TMEM161B: variants seen among roughly 807,000 people sequenced by gnomAD.
TMEM161B encodes the protein transmembrane protein 161B.
In TMEM161B, 34 loss-of-function variants were observed where a neutral mutation model predicts 61.8. That is an observed-to-expected ratio of 0.55 (90% confidence interval 0.42 to 0.73). The LOEUF (loss-of-function observed/expected upper bound fraction) is 0.73. Ranked by LOEUF, TMEM161B falls within the 30% of genes least tolerant of loss-of-function variation. The probability of loss-of-function intolerance (pLI) is 0.00; values close to 1 mark genes in which losing one functional copy is unlikely to be tolerated. For missense variants in TMEM161B, 456 were observed against 558.5 expected (o/e 0.82, Z 1.85); for synonymous variants, 167 against 192.8 (o/e 0.87, Z 1.11).
chr5:88,231,475 G>A (rs1262788322), intron 2 of TMEM161B, among the ~76,000 whole-genome samples: 2 of 152,208 alleles, frequency 1.3e-5, no homozygotes, highest in African/African-American at 4.8e-5. Flanking sequence ...GTTACCCTAA[G>A]TGAAAGATTC....
chr5:88,218,483 A>G (rs887022530), intron 5 of TMEM161B, among the ~76,000 whole-genome samples: 6 of 152,304 alleles, frequency 3.9e-5, no homozygotes, highest in African/African-American at 7.2e-5. Context: ...AGAAAAAAAC[A>G]GAACTTTAAA....
At position 88,228,673 on chromosome 5, in the gene TMEM161B, A is replaced by C. The variant is rs1047539605; in HGVS notation, c.108-145T>G. ...AAACTGTAATCTGAAACAAATACTAACTCTTAAACTTTAAAAGGGTTTAGA... is the reference window on the plus strand; with the variant it reads ...AAACTGTAATCTGAAACAAATACTACCTCTTAAACTTTAAAAGGGTTTAGA... On this transcript the variant is annotated intron_variant, in intron 2 of 11. Transcript: ENST00000296595. The C allele has an allele frequency of 1.1e-5, 7 of 636,572 alleles. No homozygotes were observed. In the African/African-American group the frequency reaches 1.3e-4, roughly 12 times the overall value. 39.4% of individuals were successfully genotyped at this position (636,572 alleles called of 1,614,324 possible). A position where few individuals can be genotyped will look rare whatever the true frequency, so the allele number is the denominator to read the frequency against.
Position 88,196,430 on chromosome 5 carries a change from A to C in TMEM161B, c.1245T>G (p.Ser415Arg). 2 of 1,613,104 alleles carry C rather than the reference A, an allele frequency of 1.2e-6. No homozygotes were observed. The highest frequency in any genetic ancestry group is 1.7e-6 in the Non-Finnish European group (2 of 1,179,360). The change falls in exon 12 of 12, where the codon AGT (serine) becomes AGG (arginine). Residue 415 changes from serine to arginine, a missense_variant. By Grantham distance (110) the Ser-to-Arg change is moderately radical. Coordinates refer to ENST00000296595, the MANE Select transcript of TMEM161B (RefSeq NM_153354.5). Reference sequence around the variant, plus strand: ...CAGAGTAAACAGAATTGGACAGTAGACTATTATCCACTGGTAAGGTAGAGA... The same window carrying C: ...CAGAGTAAACAGAATTGGACAGTAGCCTATTATCCACTGGTAAGGTAGAGA... Reference protein sequence around the residue: ...ESISTLPVDNSLLSNSVYSEL... With the variant: ...ESISTLPVDNRLLSNSVYSEL...
At chr5:88,218,373 C>T (rs1748299914) in intron 5 of TMEM161B, among the ~76,000 whole-genome samples, 2 of 151,970 alleles carry the variant, frequency 1.3e-5, no homozygotes, top group South Asian at 4.1e-4. Flanking sequence ...TGGTAAAGTC[C>T]CAACACAGGG....
chr5:88,254,272 G>A (rs1312109878), intron 1 of TMEM161B, among the ~76,000 whole-genome samples: 1 of 152,116 alleles, frequency 6.6e-6, no homozygotes, highest in African/African-American at 2.4e-5. Flanking sequence ...TGAAAAACTA[G>A]GTCAACGTTC....
At chr5:88,203,750 CATATA>C (rs1744849982) in intron 8 of TMEM161B, among the ~76,000 whole-genome samples, 1 of 93,814 alleles carries the variant, frequency 1.1e-5, no homozygotes, top group Non-Finnish European at 2.0e-5. Flanking sequence ...ATTTCCCTAT[CATATA>C]TATATATATA....
chr5:88,240,708 T>C, intron 2 of TMEM161B, 105 bp downstream of exon 2: 2 of 933,182 alleles, frequency 2.1e-6, no homozygotes, highest in Non-Finnish European at 3.3e-6. Context: ...ATTTTTCTTA[T>C]GACTTCCTTT....
At chr5:88,198,698 A>G (rs1445583169) in intron 10 of TMEM161B, 1 of 280,294 alleles carries the variant, frequency 3.6e-6, no homozygotes, top group Non-Finnish European at 6.6e-6. Flanking sequence ...TTTCAAATCA[A>G]TTAGAAGGGT....
At chr5:88,212,052 T>A (rs920166467) in intron 5 of TMEM161B, among the ~76,000 whole-genome samples, 2 of 152,046 alleles carry the variant, frequency 1.3e-5, no homozygotes. Flanking sequence ...AAAAGTTTCC[T>A]CAGAAGAAAA....
chr5:88,210,558 C>T lies in TMEM161B; in HGVS notation c.447-3378G>A, dbSNP rs540951049. Among the ~76,000 whole-genome samples the T allele has an allele frequency of 1.2e-4, 18 of 152,230 alleles. 1 individual carries two copies. In the South Asian group the frequency reaches 1.2e-3, roughly 11 times the overall value. ...GATTTTTGCCTCTGAAGAAACTGAACCTGAGGCACAGAAGAGTTTAGATTT... is the reference window on the plus strand; with the variant it reads ...GATTTTTGCCTCTGAAGAAACTGAATCTGAGGCACAGAAGAGTTTAGATTT... On this transcript the variant is annotated intron_variant, in intron 5 of 11. Transcript: ENST00000296595.
At chr5:88,201,868 G>A in intron 9 of TMEM161B, 1 of 182,340 alleles carries the variant, frequency 5.5e-6, no homozygotes, top group Non-Finnish European at 1.2e-5. Flanking sequence ...ACTCTAAAAA[G>A]AGAAATTATC....
At position 88,202,836 on chromosome 5, in the gene TMEM161B, T is replaced by C. The variant is rs971669305; in HGVS notation, c.914+126A>G. 8.2e-6 allele frequency: 6 copies of C among 732,698 alleles called. No individual in the cohort carries two copies. The Admixed American group carries it at 1.2e-4, about 15-fold the overall frequency. 45.4% of individuals were successfully genotyped at this position (732,698 alleles called of 1,614,324 possible). ...AGTTTCAATTTTCTAACACATCTTT[T>C]AGCATTCCTATTAATGTCTGAAAAA... On this transcript the variant is annotated intron_variant, in intron 9 of 11. Transcript: ENST00000296595.
intron 1 of TMEM161B, among the ~76,000 whole-genome samples, chr5:88,243,450 T>C (rs1353396672): frequency 1.3e-5 from 2 of 151,914 alleles, no homozygotes; most frequent in Admixed American, 6.6e-5. Context: ...TAGTATTCCA[T>C]GGTATATATG....
chr5:88,226,715 G>T (rs1212354997), intron 3 of TMEM161B, among the ~76,000 whole-genome samples: 1 of 152,138 alleles, frequency 6.6e-6, no homozygotes, highest in African/African-American at 2.4e-5. Context: ...AATAATTCTT[G>T]TTACTAGGAA....
chr5:88,263,341 G>A (rs1755929424), intron 1 of TMEM161B, among the ~76,000 whole-genome samples: 1 of 152,112 alleles, frequency 6.6e-6, no homozygotes, highest in African/African-American at 2.4e-5. Context: ...AATGAGGGCC[G>A]AGATTGTCTC....
exon 13 of TMEM161B, chr5:88,190,004 A>G (rs1748622640): frequency 1.4e-6 from 1 of 696,712 alleles, no homozygotes; most frequent in African/African-American, 1.8e-5. Flanking sequence ...ACGCCAGCCC[A>G]TTATCTGAGC....
At position 88,199,131 on chromosome 5, in the gene TMEM161B, C is replaced by T. The variant is rs752871590; in HGVS notation, c.934G>A (p.Asp312Asn). The change falls in exon 10 of 12, where the codon GAT (aspartate) becomes AAT (asparagine). Residue 312 changes from aspartate (D) to asparagine (N), a missense_variant. Asp to Asn is a conservative substitution (Grantham distance 23, BLOSUM62 1). Coordinates refer to ENST00000296595, the MANE Select transcript of TMEM161B (RefSeq NM_153354.5). ...ATTATTAACCAGAGTCGCAGAGTAT[C>T]GAATGTGGCTTCTGTCATTCTACAG... ...SIPLMTEATF[D>N]TLRLWLIILL... 1.2e-6 allele frequency: 2 copies of T among 1,609,962 alleles called. No homozygotes were observed. The highest frequency in any genetic ancestry group is 2.2e-5 in the South Asian group (2 of 90,544).
At position 88,196,438 on chromosome 5, in the gene TMEM161B, C is replaced by A; in HGVS notation, c.1237G>T (p.Asp413Tyr). 1 of 1,612,862 alleles carries A rather than the reference C, an allele frequency of 6.2e-7. No individual in the cohort carries two copies. Among genetic ancestry groups the A allele is most frequent in the African/African-American group, 1.3e-5 (1 of 74,912 alleles). ...YPESISTLPV[D>Y]NSLLSNSVYS... The stretch of plus-strand genomic sequence containing the variant: ...ACAGAATTGGACAGTAGACTATTAT[C>A]CACTGGTAAGGTAGAGATAGATTCT... Residue 413 changes from aspartate (D) to tyrosine (Y), a missense_variant, in exon 12 of 12, where the codon GAT becomes TAT. Asp to Tyr is a radical substitution (Grantham distance 160, BLOSUM62 -3). Coordinates refer to ENST00000296595, the MANE Select transcript of TMEM161B (RefSeq NM_153354.5).
chr5:88,188,960 T>C (rs189544628), downstream of TMEM161B, among the ~76,000 whole-genome samples: 42 of 152,274 alleles, frequency 2.8e-4, 1 homozygote, highest in East Asian at 7.7e-3. Flanking sequence ...GTAAGAGAAA[T>C]GGCTTCTCTC....
Sources: allele counts gnomAD v4.1 joint callset (sites outside exome capture counted in the v4.1 genomes callset), GRCh38; gene constraint gnomAD v4.1.1; transcripts MANE v1.5; gene names NCBI Gene and HGNC (gene_info 2026-07-23, HGNC 2026-07-21).